RTN1: variants seen among roughly 807,000 people sequenced by gnomAD.
RTN1 encodes the protein reticulon 1.
RTN1 carries 25 observed loss-of-function variants against 65.5 expected under a neutral mutation model. The ratio of observed to expected loss-of-function variants is 0.38; its 90% CI spans 0.28 to 0.53. The LOEUF (loss-of-function observed/expected upper bound fraction) is 0.53. RTN1 is among the 20% of genes least tolerant of loss of function. RTN1 has a pLI of 0.79. For synonymous variants in RTN1, 471 were observed against 447.6 expected (o/e 1.05, Z -0.66); for missense variants, 983 against 1,025.4 (o/e 0.96, Z 0.57).
intron 5 of RTN1, chr14:59,604,929 T>G (rs1185477619): frequency 1.3e-5 from 2 of 152,688 alleles, no homozygotes; most frequent in African/African-American, 4.8e-5. Flanking sequence ...ATAAGCACAC[T>G]TGGAGGGCTT....
intron 1 of RTN1, among the ~76,000 whole-genome samples, chr14:59,771,402 G>T (rs907438346): frequency 1.3e-5 from 2 of 152,208 alleles, no homozygotes; most frequent in African/African-American, 4.8e-5. Flanking sequence ...TTTTTAAGGT[G>T]TCAACTTGGC....
intron 1 of RTN1, among the ~76,000 whole-genome samples, chr14:59,786,750 C>T (rs1886256760): frequency 6.6e-6 from 1 of 152,172 alleles, no homozygotes; most frequent in Admixed American, 6.5e-5. Context: ...AACATGTCAT[C>T]ATTGGCATAA....
At chr14:59,842,366 A>G (rs992997760) in intron 1 of RTN1, among the ~76,000 whole-genome samples, 1 of 152,206 alleles carries the variant, frequency 6.6e-6, no homozygotes, top group African/African-American at 2.4e-5. Context: ...CCCTCTCTCA[A>G]TAATAGACAA....
chr14:59,655,766 A>G (rs1281562337), intron 3 of RTN1, among the ~76,000 whole-genome samples: 1 of 152,230 alleles, frequency 6.6e-6, no homozygotes, highest in Admixed American at 6.5e-5. Flanking sequence ...TTTCAACAAC[A>G]GTCCTGGGAC....
At chr14:59,620,052 G>A (rs1038483126) in intron 3 of RTN1, among the ~76,000 whole-genome samples, 2 of 151,434 alleles carry the variant, frequency 1.3e-5, no homozygotes, top group Admixed American at 6.6e-5. Flanking sequence ...AGGGAAGGGA[G>A]GGGTGAAGAT....
At chr14:59,854,423 A>G (rs1486469033) in intron 1 of RTN1, among the ~76,000 whole-genome samples, 2 of 152,004 alleles carry the variant, frequency 1.3e-5, no homozygotes, top group African/African-American at 2.4e-5. Context: ...CGGGCAGATC[A>G]TAAGGTCAGG....
At chr14:59,708,778 A>T (rs1374183428) in intron 3 of RTN1, among the ~76,000 whole-genome samples, 2 of 152,212 alleles carry the variant, frequency 1.3e-5, no homozygotes, top group Non-Finnish European at 2.9e-5. Flanking sequence ...TCAGGAAGAG[A>T]ATTAAAAATA....
At chr14:59,806,598 C>T (rs1180266419) in intron 1 of RTN1, among the ~76,000 whole-genome samples, 1 of 152,100 alleles carries the variant, frequency 6.6e-6, no homozygotes, top group African/African-American at 2.4e-5. Context: ...GTCATTTTTC[C>T]TGATCTCTCT....
intron 5 of RTN1, 95 bp from the exon 6 acceptor site, chr14:59,604,016 A>G: frequency 2.3e-6 from 2 of 870,142 alleles, no homozygotes; most frequent in Non-Finnish European, 3.8e-6. Flanking sequence ...AATTTGAGTC[A>G]GAATACATCA....
intron 1 of RTN1, among the ~76,000 whole-genome samples, chr14:59,823,543 G>T (rs982709406): frequency 6.6e-6 from 1 of 151,978 alleles, no homozygotes; most frequent in Non-Finnish European, 1.5e-5. Flanking sequence ...GCTTAGTCTG[G>T]TTGGAAAAAA....
At chr14:59,677,767 T>C (rs1477437294) in intron 3 of RTN1, among the ~76,000 whole-genome samples, 1 of 152,144 alleles carries the variant, frequency 6.6e-6, no homozygotes. Flanking sequence ...TACCCATCCT[T>C]CTAGCTTCCA....
At chr14:59,788,873 T>C (rs1441082415) in intron 1 of RTN1, among the ~76,000 whole-genome samples, 1 of 152,158 alleles carries the variant, frequency 6.6e-6, no homozygotes, top group Non-Finnish European at 1.5e-5. Flanking sequence ...TAAGGATGCA[T>C]TGATTTCAGT....
intron 2 of RTN1, among the ~76,000 whole-genome samples, chr14:59,734,547 C>T (rs894235794): frequency 2.0e-5 from 3 of 152,144 alleles, no homozygotes; most frequent in African/African-American, 4.8e-5. Flanking sequence ...CATAACCAAC[C>T]AGCTAGAGCT....
chr14:59,765,834 G>A (rs982456894), intron 1 of RTN1, among the ~76,000 whole-genome samples: 2 of 151,586 alleles, frequency 1.3e-5, no homozygotes, highest in Non-Finnish European at 2.9e-5. Flanking sequence ...GGTGTTTGGC[G>A]TCCTCTAATC....
At chr14:59,802,433 A>G (rs1886564533) in intron 1 of RTN1, among the ~76,000 whole-genome samples, 2 of 152,106 alleles carry the variant, frequency 1.3e-5, no homozygotes, top group Non-Finnish European at 2.9e-5. Context: ...CAGTGGGGGG[A>G]TGTGATTTTA....
chr14:59,834,677 C>T (rs892686286), intron 1 of RTN1, among the ~76,000 whole-genome samples: 2 of 152,050 alleles, frequency 1.3e-5, no homozygotes, highest in Non-Finnish European at 2.9e-5. Context: ...GCACAGATAT[C>T]TCATGAAAGA....
At chr14:59,689,220 G>A (rs146563031) in intron 3 of RTN1, among the ~76,000 whole-genome samples, 19 of 152,186 alleles carry the variant, frequency 1.2e-4, no homozygotes, top group Non-Finnish European at 2.1e-4. Flanking sequence ...ATTTCAGTGC[G>A]TGAAGACCAG....
At chr14:59,616,611 T>C (rs1882108785) in intron 3 of RTN1, among the ~76,000 whole-genome samples, 1 of 152,188 alleles carries the variant, frequency 6.6e-6, no homozygotes, top group South Asian at 2.1e-4. Flanking sequence ...TTATTAATAA[T>C]TATAATTGTT....
At chr14:59,752,829 C>T (rs1226001299) in intron 1 of RTN1, among the ~76,000 whole-genome samples, 27 of 152,106 alleles carry the variant, frequency 1.8e-4, no homozygotes, top group Admixed American at 1.6e-3. Context: ...ACAAAGAGGA[C>T]ATTTTAAATC....
Sources: allele counts gnomAD v4.1 joint callset (sites outside exome capture counted in the v4.1 genomes callset), GRCh38; gene constraint gnomAD v4.1.1; transcripts MANE v1.5; gene names NCBI Gene and HGNC (gene_info 2026-07-23, HGNC 2026-07-21).